COLEC12: variants seen among roughly 807,000 people sequenced by gnomAD.
COLEC12 encodes collectin subfamily member 12.
A neutral mutation model predicts 71.1 loss-of-function variants in COLEC12; 33 were observed. The observed-to-expected ratio is 0.46, with a 90% confidence interval of 0.35 to 0.62. COLEC12 has a LOEUF of 0.62. Ranked by LOEUF, COLEC12 falls within the 20% of genes least tolerant of loss-of-function variation. The pLI, the probability that COLEC12 is intolerant of heterozygous loss-of-function variation, is 0.00. For missense variants in COLEC12, 765 were observed against 916.1 expected, an observed-to-expected ratio of 0.84 and a Z score of 2.13; for synonymous variants, 350 against 353.0, an observed-to-expected ratio of 0.99 and a Z score of 0.10.
Position 347,357 on chromosome 18 carries a change from T to A in COLEC12, c.281-16A>T. On this transcript the variant is annotated splice_polypyrimidine_tract_variant and intron_variant, in intron 4 of 9. Transcript: ENST00000400256. ...GTTTGGTCACCTGGAATAAGAAATA[T>A]CTGTGACTTATATTGGTGGTATGGA... 1 of 1,601,108 alleles carries A rather than the reference T, an allele frequency of 6.2e-7. No individual in the cohort carries two copies. The highest frequency in any genetic ancestry group is 1.1e-5 in the South Asian group (1 of 89,848).
chr18:432,262 G>A (rs1317033954), intron 2 of COLEC12, among the ~76,000 whole-genome samples: 2 of 152,090 alleles, frequency 1.3e-5, no homozygotes, highest in Admixed American at 6.6e-5. Context: ...CTAGCTCTGA[G>A]ACCTACATTA....
intron 2 of COLEC12, among the ~76,000 whole-genome samples, chr18:398,207 A>G (rs965025708): frequency 6.6e-6 from 1 of 152,240 alleles, no homozygotes; most frequent in African/African-American, 2.4e-5. Flanking sequence ...CTTCTTATTC[A>G]GCAGAAATAT....
rs527785776 is a variant in COLEC12, at chr18:409,385, T to C, written c.59-51863A>G. On this transcript the variant is annotated intron_variant, in intron 2 of 9. Transcript: ENST00000400256. ...CCCGTCTCTACTAATAAAACAAAAA[T>C]TAGCTGGGTGTGGTGGTGCACGCCT... Among the ~76,000 whole-genome samples, 174 of 152,152 alleles carry C rather than the reference T, an allele frequency of 1.1e-3. 2 individuals are homozygous for C. The highest frequency in any genetic ancestry group is 4.1e-3 in the African/African-American group (169 of 41,538).
At position 480,097 on chromosome 18, in the gene COLEC12, G is replaced by C. The variant is rs1378721188; in HGVS notation, c.58+610C>G. ...CTGCCTCTCTCTTACAAGGACGCTT[G>C]TGATGGCTTTCAGGGCCCACCCAGG... On this transcript the variant is annotated intron_variant, in intron 2 of 9. Coordinates refer to ENST00000400256, the MANE Select transcript of COLEC12 (RefSeq NM_130386.3). The surrounding 1 kb of genome is among the most constrained non-coding windows in gnomAD (Gnocchi z 4.1). Among the ~76,000 whole-genome samples, 1 of 152,218 alleles carries C rather than the reference G, an allele frequency of 6.6e-6. No homozygotes were observed. Among genetic ancestry groups the C allele is most frequent in the Non-Finnish European group, 1.5e-5 (1 of 68,032 alleles).
chr18:331,529 A>G (rs917697279), intron 8 of COLEC12, 139 bp downstream of exon 8: 5 of 562,414 alleles, frequency 8.9e-6, no homozygotes, highest in Non-Finnish European at 1.3e-5. Flanking sequence ...GAAATATGCA[A>G]CTGGTACCAG....
chr18:415,382 G>C (rs1053444555), intron 2 of COLEC12, among the ~76,000 whole-genome samples: 68 of 152,046 alleles, frequency 4.5e-4, no homozygotes, highest in African/African-American at 1.6e-3. Flanking sequence ...TAGGCCTAGG[G>C]ATGAGGTAGC....
chr18:339,223 C>G (rs1010989414), intron 5 of COLEC12, among the ~76,000 whole-genome samples: 2 of 152,186 alleles, frequency 1.3e-5, no homozygotes, highest in African/African-American at 4.8e-5. Context: ...CCTCTCCTGA[C>G]ATGAATCCAA....
chr18:450,590 C>A (rs956369868), intron 2 of COLEC12, among the ~76,000 whole-genome samples: 9 of 152,186 alleles, frequency 5.9e-5, no homozygotes, highest in African/African-American at 2.2e-4. Flanking sequence ...GCCAATTAAA[C>A]CTCTTTTCTT....
chr18:363,231 A>G (rs2143514601), intron 2 of COLEC12, among the ~76,000 whole-genome samples: 1 of 152,246 alleles, frequency 6.6e-6, no homozygotes, highest in Non-Finnish European at 1.5e-5. Context: ...ATCTTTTTGC[A>G]GAAAAAAAAA....
At chr18:357,624 A>G in intron 2 of COLEC12, 102 bp from the exon 3 acceptor site, 1 of 928,774 alleles carries the variant, frequency 1.1e-6, no homozygotes. Context: ...AATAATTTTT[A>G]CAAATGCCTT....
chr18:477,011 T>A (rs551296167), intron 2 of COLEC12, among the ~76,000 whole-genome samples: 2 of 152,152 alleles, frequency 1.3e-5, no homozygotes, highest in African/African-American at 4.8e-5. Flanking sequence ...CCAAACTCCA[T>A]CTCCTCTTTA....
rs1916588087 is a variant in COLEC12, at chr18:443,629, A to C, written c.58+37078T>G. Among the ~76,000 whole-genome samples, 4 of 152,150 alleles carry C rather than the reference A, an allele frequency of 2.6e-5. No homozygotes were observed. The South Asian group carries it at 8.3e-4, about 32-fold the overall frequency. On this transcript the variant is annotated intron_variant, in intron 2 of 9. Coordinates refer to ENST00000400256, the MANE Select transcript of COLEC12 (RefSeq NM_130386.3). ...GTAGGGTAAGGGGAGCAAGAATCGG[A>C]GGAAATCTACCATGTGGCTGGAGCC...
At chr18:342,587 T>G (rs1914280962) in intron 5 of COLEC12, among the ~76,000 whole-genome samples, 1 of 152,350 alleles carries the variant, frequency 6.6e-6, no homozygotes, top group South Asian at 2.1e-4. Flanking sequence ...TGGGATGAGA[T>G]CTGCATGTAC....
At chr18:331,256 C>G (rs1913973143) in intron 8 of COLEC12, among the ~76,000 whole-genome samples, 1 of 152,170 alleles carries the variant, frequency 6.6e-6, no homozygotes, top group Non-Finnish European at 1.5e-5. Context: ...GTCAGGGGCA[C>G]CCACAGTGTG....
rs756036890 is a variant in COLEC12, at chr18:334,851, C to T, written c.1707G>A (p.Gly569=). 11 of 1,523,006 alleles carry T rather than the reference C, an allele frequency of 7.2e-6. No individual in the cohort carries two copies. Among genetic ancestry groups the T allele is most frequent in the African/African-American group, 1.5e-5 (1 of 68,696 alleles). 94.3% of individuals were successfully genotyped at this position (1,523,006 alleles called of 1,614,324 possible). A position where few individuals can be genotyped will look rare whatever the true frequency, so the allele number is the denominator to read the frequency against. The change falls in exon 6 of 10, where the codon GGG becomes GGA. Residue 569 remains glycine, a synonymous_variant. Coordinates refer to ENST00000400256, the MANE Select transcript of COLEC12 (RefSeq NM_130386.3). ...PGPRGLPGLP[G]VPGMPGPKGP... ...CCTTGGGGCCTGGCATGCCTGGTAC[C>T]CCAGGCAAGCCTGGCAGTCCCCGAG...
intron 8 of COLEC12, among the ~76,000 whole-genome samples, chr18:324,702 G>A (rs1408321827): frequency 2.6e-5 from 4 of 152,006 alleles, no homozygotes; most frequent in Non-Finnish European, 5.9e-5. Flanking sequence ...GGTGGCAGGT[G>A]CCCGGAGTCC....
chr18:479,767 A>C (rs1426242066), intron 2 of COLEC12, among the ~76,000 whole-genome samples: 1 of 152,206 alleles, frequency 6.6e-6, no homozygotes, highest in Admixed American at 6.5e-5. Context: ...GCAGCCTGGG[A>C]GGCAGAGGGT....
chr18:441,015 G>A lies in COLEC12; in HGVS notation c.58+39692C>T, dbSNP rs555759318. ...TGTAATCCCAGCACTTTGGGAGGCC[G>A]AGGCGGGTGGATCACAAGGCCAGGA... is the stretch of plus-strand genomic sequence containing the variant. On this transcript the variant is annotated intron_variant, in intron 2 of 9. Transcript: ENST00000400256. 7.3e-5 allele frequency among the ~76,000 whole-genome samples: 11 copies of A among 151,590 alleles called. No homozygotes were observed. In the South Asian group the frequency reaches 2.1e-3, roughly 29 times the overall value.
At chr18:417,855 C>T (rs1384844248) in intron 2 of COLEC12, among the ~76,000 whole-genome samples, 1 of 152,158 alleles carries the variant, frequency 6.6e-6, no homozygotes, top group Non-Finnish European at 1.5e-5. Context: ...GAGAGTGTTC[C>T]CCATTTCTTC....
Sources: allele counts gnomAD v4.1 joint callset (sites outside exome capture counted in the v4.1 genomes callset), GRCh38; gene constraint gnomAD v4.1.1; non-coding constraint Gnocchi (gnomAD v3.1); transcripts MANE v1.5; gene names NCBI Gene and HGNC (gene_info 2026-07-23, HGNC 2026-07-21).